LIMS2: variants seen among roughly 807,000 people sequenced by gnomAD.
LIMS2 encodes LIM zinc finger domain containing 2, also known as LIM and senescent cell antigen-like-containing domain protein 2.
LIMS2 carries 30 observed loss-of-function variants against 45.3 expected under a neutral mutation model. That is an observed-to-expected ratio of 0.66 (90% CI 0.50 to 0.90). The LOEUF (loss-of-function observed/expected upper bound fraction) is 0.90. Ranked by LOEUF, LIMS2 falls within the 40% of genes least tolerant of loss-of-function variation. The pLI is 0.00. For synonymous variants in LIMS2, 173 were observed against 188.0 expected (o/e 0.92, Z 0.65); for missense variants, 485 against 468.7 (o/e 1.03, Z -0.32).
chr2:127,641,289 G>A, intron 6 of LIMS2: 1 of 286,378 alleles, frequency 3.5e-6, no homozygotes, highest in Non-Finnish European at 6.8e-6. Context: ...CTCCCAGTCT[G>A]GCCTCCCCCT....
intron 6 of LIMS2, 23 bp from the exon 7 acceptor site, chr2:127,641,011 G>T: frequency 6.2e-7 from 1 of 1,606,120 alleles, no homozygotes; most frequent in Non-Finnish European, 8.5e-7. Context: ...AGGGCGGGCC[G>T]GGTGGCATCA....
chr2:127,641,321 T>C, intron 6 of LIMS2: 1 of 261,700 alleles, frequency 3.8e-6, no homozygotes, highest in South Asian at 4.9e-5. Flanking sequence ...GCCCCAGGAG[T>C]CAGGTGCCAG....
At chr2:127,645,454 G>A (rs1443062699) in intron 4 of LIMS2, among the ~76,000 whole-genome samples, 1 of 152,208 alleles carries the variant, frequency 6.6e-6, no homozygotes, top group African/African-American at 2.4e-5. Flanking sequence ...AGGCACCCCA[G>A]CCCGGAGCCA....
At chr2:127,659,654 A>G (rs1010430752) in intron 1 of LIMS2, among the ~76,000 whole-genome samples, 1 of 152,214 alleles carries the variant, frequency 6.6e-6, no homozygotes, top group African/African-American at 2.4e-5. Context: ...TCAACAGGAA[A>G]TCCCATGGCT....
At chr2:127,661,088 C>T (rs1295767352) in intron 1 of LIMS2, among the ~76,000 whole-genome samples, 1 of 152,230 alleles carries the variant, frequency 6.6e-6, no homozygotes, top group Admixed American at 6.5e-5. Flanking sequence ...GGAGACACAG[C>T]ACCATGAGAG....
At chr2:127,648,129 G>A in intron 4 of LIMS2, 3 of 985,486 alleles carry the variant, frequency 3.0e-6, no homozygotes, top group Non-Finnish European at 3.6e-6. Context: ...CCAAGTCAGA[G>A]TACTGTGGAA....
At chr2:127,662,358 C>T (rs1191581505) in intron 1 of LIMS2, among the ~76,000 whole-genome samples, 1 of 152,136 alleles carries the variant, frequency 6.6e-6, no homozygotes, top group Admixed American at 6.5e-5. Flanking sequence ...CAGAGGGTTT[C>T]GGGGAGGGAC....
At chr2:127,650,328 CCT>C (rs561435520) in intron 4 of LIMS2, 215 of 561,602 alleles carry the variant, frequency 3.8e-4, no homozygotes, top group African/African-American at 3.5e-3. Flanking sequence ...CCTCACCACC[CCT>C]GTCACTCAGA....
At chr2:127,650,155 G>A (rs1558879975) in intron 4 of LIMS2, 1 of 1,319,658 alleles carries the variant, frequency 7.6e-7, no homozygotes, top group Non-Finnish European at 1.1e-6. Context: ...TAAGTGCCAG[G>A]GGCAAGCCAT....
Position 127,641,963 on chromosome 2 carries a change from G to C in LIMS2, c.660+86C>G, listed in dbSNP as rs760993929. 6 of 1,453,590 alleles carry C rather than the reference G, an allele frequency of 4.1e-6. No homozygotes were observed. The African/African-American group carries it at 8.5e-5, about 21-fold the overall frequency. 90.0% of individuals were successfully genotyped at this position (1,453,590 alleles called of 1,614,324 possible). A position where few individuals can be genotyped will look rare whatever the true frequency, so the allele number is the denominator to read the frequency against. ...GCCAGCCACCCGCCCTGGGCTGGGAGTGTGGAGGAGCTTTAGGGCTCTTAC... is the reference window on the plus strand; with the variant it reads ...GCCAGCCACCCGCCCTGGGCTGGGACTGTGGAGGAGCTTTAGGGCTCTTAC... On this transcript the variant is annotated intron_variant, in intron 6 of 9. Transcript: ENST00000355119.
intron 4 of LIMS2, among the ~76,000 whole-genome samples, chr2:127,645,527 C>T (rs1239208192): frequency 6.6e-6 from 1 of 152,236 alleles, no homozygotes; most frequent in African/African-American, 2.4e-5. Flanking sequence ...AGGGGAGCTG[C>T]ACCGGCGAGC....
In LIMS2 at chr2:127,664,210, G is replaced by A. The variant is rs575752327; in HGVS notation, c.12-6648C>T. On this transcript the variant is annotated intron_variant, in intron 1 of 9. Transcript: ENST00000355119. The surrounding 1 kb of genome is among the most constrained non-coding windows in gnomAD (Gnocchi z 5.5). ...ACGCCGGGGCAGAGCCCACGGCGTC[G>A]GAGGGCCCCGGTCGGGTTTCCGAGG... 2.0e-5 allele frequency: 21 copies of A among 1,060,820 alleles called. No individual in the cohort carries two copies. The South Asian group carries it at 8.4e-4, about 43-fold the overall frequency. 65.7% of individuals were successfully genotyped at this position (1,060,820 alleles called of 1,614,324 possible). A position where few individuals can be genotyped will look rare whatever the true frequency, so the allele number is the denominator to read the frequency against.
At chr2:127,649,451 G>A (rs1573786836) in intron 4 of LIMS2, among the ~76,000 whole-genome samples, 2 of 152,366 alleles carry the variant, frequency 1.3e-5, no homozygotes, top group African/African-American at 4.8e-5. Flanking sequence ...CAGGTGCCCA[G>A]AGGAGCCCCA....
chr2:127,653,252 CAG>C lies in LIMS2; in HGVS notation c.359+1170_359+1171del, dbSNP rs1683983084. 1.3e-5 allele frequency among the ~76,000 whole-genome samples: 2 copies of C among 152,150 alleles called. No individual in the cohort carries two copies. Among genetic ancestry groups the C allele is most frequent in the South Asian group, 4.2e-4 (2 of 4,816 alleles). ...TGCGGGAGGGAGCAGAGTGCCCGGA[CAG>C]AGAGAGTGTGGCAGGGGAAGCATGG... On this transcript the variant is annotated intron_variant, in intron 4 of 9. Transcript: ENST00000355119. The surrounding 1 kb of genome is among the most constrained non-coding windows in gnomAD (Gnocchi z 5.3).
chr2:127,670,828 A>T (rs746354104), intron 1 of LIMS2, among the ~76,000 whole-genome samples: 8 of 152,210 alleles, frequency 5.3e-5, no homozygotes, highest in Non-Finnish European at 1.2e-4. Flanking sequence ...CTCCAGAGCC[A>T]GCTCCCCCAC....
intron 1 of LIMS2, among the ~76,000 whole-genome samples, chr2:127,668,667 TCAAAAAAAAAAAAAAAAAAAAAAAAAA>T (rs1399743455): frequency 1.5e-4 from 2 of 13,680 alleles, no homozygotes; most frequent in Non-Finnish European, 2.7e-4. Context: ...AGACTCCGTC[TCAAAAAAAAAAAAAAAAAAAAAAAAAA>T]AAAAAAAAAA....
chr2:127,664,181 TCCGACGCCGGGGCAGAG>T lies in LIMS2; in HGVS notation c.12-6636_12-6620del. On this transcript the variant is annotated intron_variant, in intron 1 of 9. Coordinates refer to ENST00000355119, the MANE Select transcript of LIMS2 (RefSeq NM_001161403.3). This position sits in a 1 kb window ranked among gnomAD's most constrained non-coding sequence, Gnocchi z 5.5. ...CACCCTGTCGCCAACCCAGGGCCCA[TCCGACGCCGGGGCAGAG>T]CCCACGGCGTCGGAGGGCCCCGGTC... is the stretch of plus-strand genomic sequence containing the variant. 3 of 728,456 alleles carry T rather than the reference TCCGACGCCGGGGCAGAG, an allele frequency of 4.1e-6. No homozygotes were observed. In the South Asian group the frequency reaches 2.0e-4, roughly 50 times the overall value. The allele number at this position is 728,456 out of a possible 1,614,324, so 45.1% of individuals were successfully genotyped here. A position where few individuals can be genotyped will look rare whatever the true frequency, so the allele number is the denominator to read the frequency against.
chr2:127,641,454 G>A (rs1273302751), intron 6 of LIMS2: 2 of 179,868 alleles, frequency 1.1e-5, no homozygotes, highest in Non-Finnish European at 2.4e-5. Context: ...TTCCCCCAGG[G>A]ATCTGCATGT....
chr2:127,651,780 C>T (rs368990034), intron 4 of LIMS2: 230 of 1,601,868 alleles, frequency 1.4e-4, no homozygotes, highest in Non-Finnish European at 1.8e-4. Flanking sequence ...CCAGGCCGAG[C>T]GCAGACTGTT....
Sources: gnomAD v4.1 joint callset for allele counts (sites outside exome capture counted in the v4.1 genomes callset) on GRCh38, gnomAD v4.1.1 for gene constraint, Gnocchi (gnomAD v3.1) non-coding constraint, MANE v1.5 for transcripts, NCBI Gene and HGNC (gene_info 2026-07-23, HGNC 2026-07-21) for gene names.